Variants in SUCLG2 observed in about 807,000 individuals in gnomAD.
SUCLG2 encodes the protein succinate--CoA ligase [GDP-forming] subunit beta, mitochondrial.
In SUCLG2, 42 loss-of-function variants were observed where a neutral mutation model predicts 47.9. The observed-to-expected ratio is 0.88, with a 90% CI of 0.69 to 1.14. The LOEUF (loss-of-function observed/expected upper bound fraction) is 1.14, where lower values mean the gene tolerates loss of function less well. Among genes scored for constraint, SUCLG2 ranks in the 50% most tolerant of loss-of-function variants. The probability of loss-of-function intolerance (pLI) is 0.00; values close to 1 mark genes in which losing one functional copy is unlikely to be tolerated. For missense variants in SUCLG2, 571 were observed against 525.9 expected, an observed-to-expected ratio of 1.09 and a Z score of -0.84; for synonymous variants, 195 against 197.3, an observed-to-expected ratio of 0.99 and a Z score of 0.10.
At chr3:67,448,435 G>T (rs1015063896) in intron 9 of SUCLG2, among the ~76,000 whole-genome samples, 1 of 152,194 alleles carries the variant, frequency 6.6e-6, no homozygotes, top group East Asian at 1.9e-4. Context: ...GCCCAGGCTG[G>T]AGTGCAATGG....
At position 67,520,531 on chromosome 3, in the gene SUCLG2, C is replaced by A. The variant is rs527536615; in HGVS notation, c.521G>T (p.Gly174Val). ...AGCAGCCACCTCTTCAATGTCGACG[C>A]CCCCCTGGGGGCTGCCCACCAGCAC... ...GPVLVGSPQG[G>V]VDIEEVAASN... The change falls in exon 5 of 11, where the codon GGC (glycine) becomes GTC (valine). Residue 174 changes from glycine (G) to valine (V), a missense_variant. Physicochemically the swap from Gly to Val is moderately radical, Grantham distance 109. Transcript: ENST00000307227. 2 of 1,614,116 alleles carry A rather than the reference C, an allele frequency of 1.2e-6. No individual in the cohort carries two copies. The highest frequency in any genetic ancestry group is 1.3e-5 in the African/African-American group (1 of 75,040).
chr3:67,593,553 T>G (rs752777320), intron 2 of SUCLG2, among the ~76,000 whole-genome samples: 5 of 152,190 alleles, frequency 3.3e-5, no homozygotes, highest in Non-Finnish European at 7.3e-5. Context: ...ACATCTCCCG[T>G]GTAAACCTCT....
intron 1 of SUCLG2, among the ~76,000 whole-genome samples, chr3:67,619,678 C>T (rs180854940): frequency 6.0e-4 from 92 of 152,204 alleles, no homozygotes; most frequent in African/African-American, 2.1e-3. Context: ...CTAGGTTCAG[C>T]AGAAAAGCAG....
At chr3:67,585,046 G>A (rs1249399847) in intron 2 of SUCLG2, among the ~76,000 whole-genome samples, 2 of 152,154 alleles carry the variant, frequency 1.3e-5, no homozygotes, top group African/African-American at 2.4e-5. Context: ...TACTTGAAAT[G>A]GGTAAATTTT....
chr3:67,544,057 A>T (rs1306795403), intron 2 of SUCLG2, among the ~76,000 whole-genome samples: 1 of 152,200 alleles, frequency 6.6e-6, no homozygotes, highest in Non-Finnish European at 1.5e-5. Context: ...AATATTAGTG[A>T]GCACTTACTT....
chr3:67,557,902 G>C (rs1227004629), intron 2 of SUCLG2, among the ~76,000 whole-genome samples: 1 of 152,160 alleles, frequency 6.6e-6, no homozygotes, highest in Non-Finnish European at 1.5e-5. Flanking sequence ...CAGAACACTA[G>C]TTTGCAAAAT....
At chr3:67,433,784 T>G (rs1436495986) in intron 9 of SUCLG2, among the ~76,000 whole-genome samples, 1 of 151,148 alleles carries the variant, frequency 6.6e-6, no homozygotes, top group Admixed American at 6.6e-5. Flanking sequence ...CTAGGAAGTA[T>G]GAGGTGCGGG....
rs143011909 is a variant in SUCLG2 at position 67,412,237 on chromosome 3, T to C, written c.1063-11386A>G. On this transcript the variant is annotated intron_variant, in intron 9 of 10. Coordinates refer to ENST00000307227, the MANE Select transcript of SUCLG2 (RefSeq NM_003848.4). ...TCCCTACAGCCTGCTAAGTAAGGAA[T>C]TGAACAAAATGCTTTCTACCTCAAA... is the stretch of plus-strand genomic sequence containing the variant. Among the ~76,000 whole-genome samples, 750 of 152,286 alleles carry C rather than the reference T, an allele frequency of 4.9e-3. 5 individuals are homozygous for C. Among genetic ancestry groups the C allele is most frequent in the Non-Finnish European group, 8.4e-3 (569 of 68,006 alleles).
At chr3:67,568,842 G>A (rs1000694216) in intron 2 of SUCLG2, among the ~76,000 whole-genome samples, 4 of 152,142 alleles carry the variant, frequency 2.6e-5, no homozygotes, top group African/African-American at 4.8e-5. Flanking sequence ...AGCCGAGATC[G>A]CGCCACTGCA....
intron 6 of SUCLG2, chr3:67,514,305 A>G (rs192894044): frequency 2.4e-6 from 1 of 418,310 alleles, no homozygotes; most frequent in African/African-American, 2.1e-5. Context: ...TGGATCAAAC[A>G]TTTAACATCT....
intron 2 of SUCLG2, among the ~76,000 whole-genome samples, chr3:67,557,738 T>C (rs1324190042): frequency 6.6e-6 from 1 of 152,114 alleles, no homozygotes; most frequent in Non-Finnish European, 1.5e-5. Flanking sequence ...TCTTAATAAT[T>C]GAGAAATCCA....
intron 9 of SUCLG2, among the ~76,000 whole-genome samples, chr3:67,447,376 T>C (rs1197664335): frequency 3.3e-5 from 5 of 152,202 alleles, no homozygotes; most frequent in Admixed American, 6.5e-5. Flanking sequence ...GGAATGAGTT[T>C]TTTTCCTACC....
chr3:67,497,332 C>A (rs1486102554), intron 8 of SUCLG2, among the ~76,000 whole-genome samples: 6 of 152,058 alleles, frequency 3.9e-5, no homozygotes, highest in African/African-American at 1.4e-4. Context: ...GTTTCCAGTA[C>A]AATGAATTGA....
intron 1 of SUCLG2, among the ~76,000 whole-genome samples, chr3:67,618,607 G>C (rs1700673902): frequency 6.6e-6 from 1 of 152,142 alleles, no homozygotes; most frequent in South Asian, 2.1e-4. Flanking sequence ...AAAAACCCAT[G>C]AGCTTTCTAT....
At chr3:67,523,888 T>C (rs1422852916) in intron 4 of SUCLG2, among the ~76,000 whole-genome samples, 1 of 152,190 alleles carries the variant, frequency 6.6e-6, no homozygotes, top group Non-Finnish European at 1.5e-5. Flanking sequence ...ATAAGTGTCA[T>C]TCAAGAGTCC....
At chr3:67,366,009 T>C (rs545170011) in intron 10 of SUCLG2, among the ~76,000 whole-genome samples, 1 of 152,190 alleles carries the variant, frequency 6.6e-6, no homozygotes, top group East Asian at 1.9e-4. Context: ...ATTTGTAACT[T>C]AATTATTCAC....
At chr3:67,388,879 A>G (rs1289706813) in intron 10 of SUCLG2, among the ~76,000 whole-genome samples, 1 of 152,180 alleles carries the variant, frequency 6.6e-6, no homozygotes, top group African/African-American at 2.4e-5. Flanking sequence ...GTAAGAATTG[A>G]ATCATTGCAA....
intron 2 of SUCLG2, among the ~76,000 whole-genome samples, chr3:67,580,960 C>T (rs535187593): frequency 2.6e-5 from 4 of 152,210 alleles, no homozygotes; most frequent in African/African-American, 4.8e-5. Flanking sequence ...AAATACCTTC[C>T]GAAAATATGA....
chr3:67,368,487 T>C (rs952629695), intron 10 of SUCLG2, among the ~76,000 whole-genome samples: 1 of 152,152 alleles, frequency 6.6e-6, no homozygotes, highest in African/African-American at 2.4e-5. Context: ...CCTTGTCCTA[T>C]GTATTATTGT....
Sources: allele counts gnomAD v4.1 joint callset (sites outside exome capture counted in the v4.1 genomes callset), GRCh38; gene constraint gnomAD v4.1.1; transcripts MANE v1.5; gene names NCBI Gene and HGNC (gene_info 2026-07-23, HGNC 2026-07-21).